The following ROR2 variants were observed in gnomAD, a reference collection of about 807,000 sequenced individuals.
ROR2 encodes ROR family WNT receptor 2.
In ROR2, 33 loss-of-function variants were observed where a neutral mutation model predicts 74.9. That is an observed-to-expected ratio of 0.44 (90% CI 0.33 to 0.59). The LOEUF is 0.59. Ranked by LOEUF, ROR2 falls within the 20% of genes least tolerant of loss-of-function variation. The pLI, the probability that ROR2 is intolerant of heterozygous loss-of-function variation, is 0.02. For missense variants in ROR2, 1,216 were observed against 1,313.8 expected, an observed-to-expected ratio of 0.93 and a Z score of 1.15; for synonymous variants, 586 against 558.7, an observed-to-expected ratio of 1.05 and a Z score of -0.69.
intron 1 of ROR2, among the ~76,000 whole-genome samples, chr9:91,871,326 A>G (rs753935901): frequency 1.3e-5 from 2 of 152,090 alleles, no homozygotes; most frequent in Non-Finnish European, 2.9e-5. Context: ...TCATTCTATC[A>G]TTCTCCCTCA....
intron 1 of ROR2, among the ~76,000 whole-genome samples, chr9:91,857,652 C>T (rs972483362): frequency 6.6e-6 from 1 of 152,080 alleles, no homozygotes; most frequent in Non-Finnish European, 1.5e-5. Flanking sequence ...GTGGCAAGCC[C>T]GGAGGCAGGC....
intron 1 of ROR2, chr9:91,883,146 C>G (rs1830164306): frequency 6.6e-6 from 1 of 152,186 alleles, no homozygotes; most frequent in South Asian, 2.1e-4. Flanking sequence ...AAACCCAAAT[C>G]TGAAACACTT....
intron 1 of ROR2, among the ~76,000 whole-genome samples, chr9:91,871,240 G>C (rs1008960157): frequency 6.6e-6 from 1 of 151,496 alleles, no homozygotes; most frequent in African/African-American, 2.4e-5. Context: ...CATGTGTAGA[G>C]CAGCTGTCTG....
chr9:91,927,484 C>T (rs1831436091), intron 1 of ROR2, among the ~76,000 whole-genome samples: 3 of 152,128 alleles, frequency 2.0e-5, no homozygotes, highest in Admixed American at 2.0e-4. Context: ...CATGCCCCAC[C>T]TCCATTCACC....
intron 1 of ROR2, among the ~76,000 whole-genome samples, chr9:91,777,076 C>T (rs1420525359): frequency 6.6e-6 from 1 of 152,170 alleles, no homozygotes; most frequent in East Asian, 1.9e-4. Flanking sequence ...TTAGAACTGA[C>T]ACTTTAAGTT....
chr9:91,785,715 G>A (rs78052819), intron 1 of ROR2, among the ~76,000 whole-genome samples: 4,085 of 152,122 alleles, frequency 0.027, 125 homozygotes, highest in East Asian at 0.17. Flanking sequence ...GAGCCCCTGC[G>A]ACACGGCTCT....
chr9:91,792,529 C>T (rs976784744), intron 1 of ROR2, among the ~76,000 whole-genome samples: 13 of 152,102 alleles, frequency 8.5e-5, no homozygotes, highest in Admixed American at 1.3e-4. Context: ...AAGATGGTCT[C>T]GATCTCCTGA....
intron 1 of ROR2, among the ~76,000 whole-genome samples, chr9:91,866,180 C>T (rs1376998666): frequency 2.0e-5 from 3 of 151,492 alleles, no homozygotes; most frequent in East Asian, 3.9e-4. Flanking sequence ...AGTGCAGTGG[C>T]GCAATCTCAG....
chr9:91,847,503 A>C (rs1189152284), intron 1 of ROR2, among the ~76,000 whole-genome samples: 1 of 152,052 alleles, frequency 6.6e-6, no homozygotes, highest in Non-Finnish European at 1.5e-5. Context: ...CAGTCCCCCC[A>C]CTTCCCACAT....
intron 1 of ROR2, among the ~76,000 whole-genome samples, chr9:91,921,727 G>C (rs1419301688): frequency 3.3e-5 from 5 of 152,092 alleles, no homozygotes; most frequent in African/African-American, 7.2e-5. Flanking sequence ...GCCAGGCGTG[G>C]CGGCGCACGC....
chr9:91,797,038 A>G (rs1399805439), intron 1 of ROR2, among the ~76,000 whole-genome samples: 15 of 44,632 alleles, frequency 3.4e-4, no homozygotes, highest in Admixed American at 5.3e-4. Context: ...GGATCTGTGG[A>G]TGGGGCTGAC....
chr9:91,912,304 C>G (rs960756966), intron 1 of ROR2, among the ~76,000 whole-genome samples: 3 of 152,094 alleles, frequency 2.0e-5, no homozygotes, highest in Admixed American at 6.5e-5. Context: ...CCTTTCTGTA[C>G]GCCTAAAATT....
chr9:91,913,012 C>T (rs986495621), intron 1 of ROR2, among the ~76,000 whole-genome samples: 7 of 152,118 alleles, frequency 4.6e-5, no homozygotes, highest in Admixed American at 2.0e-4. Context: ...ACCTGTAATC[C>T]CAGCTACTTG....
intron 1 of ROR2, among the ~76,000 whole-genome samples, chr9:91,917,992 C>G (rs1386061562): frequency 6.6e-6 from 1 of 151,982 alleles, no homozygotes; most frequent in Non-Finnish European, 1.5e-5. Flanking sequence ...AGGGCACAGG[C>G]CGGGCGCGGT....
intron 1 of ROR2, among the ~76,000 whole-genome samples, chr9:91,880,798 G>T (rs775468214): frequency 6.6e-6 from 1 of 152,228 alleles, no homozygotes; most frequent in South Asian, 2.1e-4. Flanking sequence ...TGAAGGTCAA[G>T]GGCAGGCTGG....
At chr9:91,897,217 T>C (rs933293128) in intron 1 of ROR2, among the ~76,000 whole-genome samples, 1 of 152,276 alleles carries the variant, frequency 6.6e-6, no homozygotes, top group Admixed American at 6.5e-5. Flanking sequence ...TTAAACTTGA[T>C]AGTCAAGCTA....
At chr9:91,882,482 T>C (rs1830142799) in intron 1 of ROR2, among the ~76,000 whole-genome samples, 1 of 150,206 alleles carries the variant, frequency 6.7e-6, no homozygotes, top group Middle Eastern at 3.3e-3. Context: ...TGGTCTCCAA[T>C]TGACCATGAA....
intron 1 of ROR2, among the ~76,000 whole-genome samples, chr9:91,803,893 G>C (rs918154766): frequency 3.9e-5 from 6 of 152,218 alleles, no homozygotes; most frequent in African/African-American, 1.4e-4. Flanking sequence ...AATCTCTGCT[G>C]AATGTGCAAC....
chr9:91,942,192 C>G (rs10125466), intron 1 of ROR2, among the ~76,000 whole-genome samples: 64,420 of 152,020 alleles, frequency 0.42, 14,738 homozygotes, highest in African/African-American at 0.61. Context: ...CCCTCCATTT[C>G]GTTTGCTGAT....
Sources: gnomAD v4.1 joint callset for allele counts (sites outside exome capture counted in the v4.1 genomes callset) on GRCh38, gnomAD v4.1.1 for gene constraint, MANE v1.5 for transcripts, NCBI Gene and HGNC (gene_info 2026-07-23, HGNC 2026-07-21) for gene names.